The following GNB4 variants were observed in gnomAD, a reference collection of about 807,000 sequenced individuals.
The protein encoded by GNB4 is guanine nucleotide-binding protein subunit beta-4.
Under a neutral mutation model 45.2 loss-of-function variants are expected in GNB4, and 28 were observed. That is an observed-to-expected ratio of 0.62 (90% CI 0.46 to 0.85). The LOEUF (loss-of-function observed/expected upper bound fraction) is 0.85. GNB4 is among the 40% of genes least tolerant of loss of function. The pLI is 0.00. For missense variants in GNB4, 321 were observed against 425.4 expected, an observed-to-expected ratio of 0.75 and a Z score of 2.16; for synonymous variants, 132 against 143.7, an observed-to-expected ratio of 0.92 and a Z score of 0.58.
the GNB4 span, among the ~76,000 whole-genome samples, chr3:179,459,296 T>G: frequency 6.6e-6 from 1 of 152,164 alleles, no homozygotes; most frequent in Admixed American, 6.5e-5. Flanking sequence ...CTCTCCTATA[T>G]TCAATCAAAC....
intron 1 of GNB4, among the ~76,000 whole-genome samples, chr3:179,440,880 TAGAGAGAGAG>T (rs141411562): frequency 7.2e-4 from 108 of 149,126 alleles, no homozygotes; most frequent in Non-Finnish European, 1.3e-3. Context: ...TATAGATAGA[TAGAGAGAGAG>T]AGAGAGAGAG....
intron 9 of GNB4, among the ~76,000 whole-genome samples, chr3:179,403,347 A>C (rs1222424431): frequency 1.3e-5 from 2 of 152,098 alleles, no homozygotes; most frequent in Non-Finnish European, 2.9e-5. Flanking sequence ...TTGAAGAAGA[A>C]ACTTAAAAAA....
At chr3:179,509,723 C>T in the GNB4 span, among the ~76,000 whole-genome samples, 1 of 151,198 alleles carries the variant, frequency 6.6e-6, no homozygotes, top group East Asian at 1.9e-4. Flanking sequence ...TTAAGACTAT[C>T]AAGCCTTAGC....
the GNB4 span, among the ~76,000 whole-genome samples, chr3:179,460,081 G>C: frequency 1.3e-5 from 2 of 152,192 alleles, no homozygotes; most frequent in African/African-American, 4.8e-5. Context: ...CTTTCTGTCA[G>C]ATGGATTTCC....
chr3:179,525,862 G>A, the GNB4 span, among the ~76,000 whole-genome samples: 2 of 152,218 alleles, frequency 1.3e-5, no homozygotes, highest in African/African-American at 2.4e-5. Context: ...TTGGTCTGAC[G>A]ACCCCAGTTC....
chr3:179,445,054 C>T (rs2108621001), intron 1 of GNB4, among the ~76,000 whole-genome samples: 1 of 151,944 alleles, frequency 6.6e-6, no homozygotes, highest in South Asian at 2.1e-4. Flanking sequence ...ATTAAAAATC[C>T]TATATAAGAG....
chr3:179,411,010 T>C (rs1714635342), intron 8 of GNB4, among the ~76,000 whole-genome samples: 2 of 152,132 alleles, frequency 1.3e-5, no homozygotes, highest in African/African-American at 4.8e-5. Context: ...ATATATACAA[T>C]TTGTCAATTA....
intron 9 of GNB4, among the ~76,000 whole-genome samples, chr3:179,402,475 C>T (rs760331175): frequency 1.3e-5 from 2 of 152,220 alleles, no homozygotes; most frequent in Non-Finnish European, 2.9e-5. Flanking sequence ...GCAAACCATG[C>T]AGTCTCTTGA....
At chr3:179,469,080 T>C in the GNB4 span, among the ~76,000 whole-genome samples, 6 of 152,318 alleles carry the variant, frequency 3.9e-5, no homozygotes, top group South Asian at 1.2e-3. Flanking sequence ...ACCTATGAAC[T>C]GGAAGGCACT....
At chr3:179,464,993 G>A in the GNB4 span, 1 of 1,532,272 alleles carries the variant, frequency 6.5e-7, no homozygotes, top group Non-Finnish European at 9.0e-7. Context: ...GCACACAGAT[G>A]GGGTGCATGA....
chr3:179,437,464 C>G (rs578042289), intron 1 of GNB4, among the ~76,000 whole-genome samples: 1 of 152,062 alleles, frequency 6.6e-6, no homozygotes, highest in East Asian at 1.9e-4. Flanking sequence ...ACTTGGGAAG[C>G]TGAGGCATAA....
intron 1 of GNB4, among the ~76,000 whole-genome samples, chr3:179,438,992 A>G (rs1180123298): frequency 1.3e-5 from 2 of 152,138 alleles, no homozygotes; most frequent in Non-Finnish European, 2.9e-5. Flanking sequence ...ATTTAACCAA[A>G]CAGTTTCAAT....
chr3:179,471,067 T>C, the GNB4 span, among the ~76,000 whole-genome samples: 1 of 151,692 alleles, frequency 6.6e-6, no homozygotes. Context: ...TAGTCCCAGC[T>C]ACTCGGCAGG....
chr3:179,444,227 T>C lies in GNB4; in HGVS notation c.-43+7119A>G, dbSNP rs186566282. Among the ~76,000 whole-genome samples, 663 of 152,170 alleles carry C rather than the reference T, an allele frequency of 4.4e-3. 3 individuals carry two copies. Among genetic ancestry groups the C allele is most frequent in the Non-Finnish European group, 7.1e-3 (480 of 68,014 alleles). On this transcript the variant is annotated intron_variant, in intron 1 of 9. Coordinates refer to ENST00000232564, the MANE Select transcript of GNB4 (RefSeq NM_021629.4). ...CAGGAGGAGTCTGTGGTTTTTTCAT[T>C]TTTTTCCCCCCAAAGAGTTTCCCTG...
the GNB4 span, among the ~76,000 whole-genome samples, chr3:179,489,046 A>ATT: frequency 0.1 from 3,775 of 37,062 alleles, 763 homozygotes; most frequent in African/African-American, 0.17. Context: ...ATATATATAT[A>ATT]ATATATATGT....
At chr3:179,476,416 T>C in the GNB4 span, among the ~76,000 whole-genome samples, 4 of 152,318 alleles carry the variant, frequency 2.6e-5, 1 homozygote, top group South Asian at 6.2e-4. Flanking sequence ...TACAGCTCTC[T>C]AGTGTTGGAG....
At position 179,401,138 on chromosome 3, in the gene GNB4, A is replaced by C; in HGVS notation, c.*75T>G. 1 of 937,284 alleles carries C rather than the reference A, an allele frequency of 1.1e-6. No individual in the cohort carries two copies. Among genetic ancestry groups the C allele is most frequent in the Admixed American group, 3.2e-5 (1 of 31,698 alleles). The allele number at this position is 937,284 out of a possible 1,614,324, so 58.1% of individuals were successfully genotyped here. Reference sequence around the variant, plus strand: ...ATCTTCACCTGCAAATATAAGGTAGAATTTTTTCACAGCTATAGGCTGTAG... The same window carrying C: ...ATCTTCACCTGCAAATATAAGGTAGCATTTTTTCACAGCTATAGGCTGTAG... On this transcript the variant is annotated 3_prime_UTR_variant, in exon 10 of 10. Coordinates refer to ENST00000232564, the MANE Select transcript of GNB4 (RefSeq NM_021629.4).
At chr3:179,408,781 GAGTC>G (rs1378840835) in intron 8 of GNB4, among the ~76,000 whole-genome samples, 1 of 144,060 alleles carries the variant, frequency 6.9e-6, no homozygotes, top group Non-Finnish European at 1.5e-5. Context: ...GACAGAGCGA[GAGTC>G]AGTATCAAAA....
chr3:179,446,050 C>A (rs1715712587), intron 1 of GNB4, among the ~76,000 whole-genome samples: 1 of 152,158 alleles, frequency 6.6e-6, no homozygotes, highest in Non-Finnish European at 1.5e-5. Context: ...GATAAAATAA[C>A]ACATCTTTCA....
Sources: allele counts gnomAD v4.1 joint callset (sites outside exome capture counted in the v4.1 genomes callset), GRCh38; gene constraint gnomAD v4.1.1; transcripts MANE v1.5; gene names NCBI Gene and HGNC (gene_info 2026-07-23, HGNC 2026-07-21).